STAT4: variants seen among roughly 807,000 people sequenced by gnomAD.
STAT4 encodes signal transducer and activator of transcription 4.
Under a neutral mutation model 110.5 loss-of-function variants are expected in STAT4, and 42 were observed. The observed-to-expected ratio is 0.38, with a 90% CI of 0.30 to 0.49. The LOEUF is 0.49. Ranked by LOEUF, STAT4 falls within the 20% of genes least tolerant of loss-of-function variation. STAT4 has a pLI of 0.95. For missense variants in STAT4, 632 were observed against 887.9 expected (o/e 0.71, Z 3.66); for synonymous variants, 284 against 302.2 (o/e 0.94, Z 0.63).
intron 3 of STAT4, among the ~76,000 whole-genome samples, chr2:191,127,856 AAAG>A (rs1444506313): frequency 6.6e-6 from 1 of 152,220 alleles, no homozygotes; most frequent in Non-Finnish European, 1.5e-5. Context: ...CTAAATTGTC[AAAG>A]AAGATTTAAT....
intron 7 of STAT4, among the ~76,000 whole-genome samples, chr2:191,065,647 A>C (rs909838192): frequency 6.6e-6 from 1 of 152,180 alleles, no homozygotes; most frequent in Non-Finnish European, 1.5e-5. Flanking sequence ...TTATGCATAA[A>C]AACATTAAAT....
At chr2:191,036,530 C>T (rs1349312134) in intron 16 of STAT4, among the ~76,000 whole-genome samples, 2 of 152,162 alleles carry the variant, frequency 1.3e-5, no homozygotes, top group South Asian at 2.1e-4. Flanking sequence ...TGTTCAGCAG[C>T]TTCCCAGTAT....
chr2:191,111,908 A>G (rs4853543), intron 3 of STAT4, among the ~76,000 whole-genome samples: 85,911 of 151,900 alleles, frequency 0.57, 26,056 homozygotes, highest in South Asian at 0.75. Context: ...ATTGGATTGA[A>G]CTCTAGAAAA....
chr2:191,093,811 C>T (rs979722485), intron 3 of STAT4, among the ~76,000 whole-genome samples: 1 of 152,088 alleles, frequency 6.6e-6, no homozygotes, highest in East Asian at 1.9e-4. Context: ...GGAGGATGTT[C>T]GAACCCATCG....
At position 191,098,247 on chromosome 2, in the gene STAT4, G is replaced by A. The variant is rs149980404; in HGVS notation, c.274-21922C>T. Among the ~76,000 whole-genome samples, 780 of 152,322 alleles carry A rather than the reference G, an allele frequency of 5.1e-3. 7 individuals are homozygous for A. The highest frequency in any genetic ancestry group is 0.018 in the African/African-American group (736 of 41,570). ...AGAACTAGAAATACCATTTGACCCA[G>A]CGATCCCATTACTGGGTATACATCC... is the stretch of plus-strand genomic sequence containing the variant. On this transcript the variant is annotated intron_variant, in intron 3 of 23. Transcript: ENST00000392320.
At chr2:191,044,794 G>A in intron 14 of STAT4, among the ~76,000 whole-genome samples, 1 of 152,178 alleles carries the variant, frequency 6.6e-6, no homozygotes, top group East Asian at 1.9e-4. Context: ...GGACATGTTT[G>A]ACCAAATTGT....
chr2:191,052,371 A>G (rs1306376570), intron 14 of STAT4, among the ~76,000 whole-genome samples: 3 of 152,272 alleles, frequency 2.0e-5, no homozygotes, highest in Admixed American at 2.0e-4. Flanking sequence ...ATAGCTTAAA[A>G]TAAAATTAAC....
chr2:191,052,031 C>A (rs938431023), intron 14 of STAT4, among the ~76,000 whole-genome samples: 1 of 152,212 alleles, frequency 6.6e-6, no homozygotes, highest in Admixed American at 6.5e-5. Context: ...TACAGGTGCT[C>A]ACAGATAAGC....
At chr2:191,136,504 C>T (rs1699184021) in intron 3 of STAT4, among the ~76,000 whole-genome samples, 1 of 152,230 alleles carries the variant, frequency 6.6e-6, no homozygotes, top group South Asian at 2.1e-4. Context: ...GTAATCCCAG[C>T]ACCTTGGGAG....
At chr2:191,048,718 G>A (rs1481688524) in intron 14 of STAT4, among the ~76,000 whole-genome samples, 7 of 149,132 alleles carry the variant, frequency 4.7e-5, no homozygotes, top group African/African-American at 1.2e-4. Context: ...CCCTGGAGGC[G>A]GAGGTTGCAG....
intron 3 of STAT4, among the ~76,000 whole-genome samples, chr2:191,128,522 G>C (rs1275029254): frequency 6.6e-6 from 1 of 152,128 alleles, no homozygotes; most frequent in Non-Finnish European, 1.5e-5. Context: ...TCACTTCGTG[G>C]GATATTCAGA....
rs1559038639 is a variant in STAT4 at position 191,037,756 on chromosome 2, A to T, written c.1434+1443T>A. Among the ~76,000 whole-genome samples, 1 of 152,192 alleles carries T rather than the reference A, an allele frequency of 6.6e-6. No homozygotes were observed. The highest frequency in any genetic ancestry group is 1.5e-5 in the Non-Finnish European group (1 of 68,024). On this transcript the variant is annotated intron_variant, in intron 16 of 23. Transcript: ENST00000392320. The surrounding 1 kb of genome is among the most constrained non-coding windows in gnomAD (Gnocchi z 4.8). Reference sequence around the variant, plus strand: ...CCAACAAGGAATGGGCAATAGGAAGAGGAGGAATGAAGAGAAAGAATTTCT... The same window carrying T: ...CCAACAAGGAATGGGCAATAGGAAGTGGAGGAATGAAGAGAAAGAATTTCT...
intron 14 of STAT4, among the ~76,000 whole-genome samples, chr2:191,047,163 G>A (rs1400917262): frequency 6.6e-6 from 1 of 151,986 alleles, no homozygotes; most frequent in Non-Finnish European, 1.5e-5. Flanking sequence ...TGCTAGGAGG[G>A]TGGCGCACCT....
chr2:191,090,748 G>A lies in STAT4; in HGVS notation c.274-14423C>T, dbSNP rs1697775117. ...GCTAATTTTTTGTATTTTTAGTAGA[G>A]ACAGGGTTTCACCGTGTTAGCCTGA... On this transcript the variant is annotated intron_variant, in intron 3 of 23. Transcript: ENST00000392320. This position sits in a 1 kb window ranked among gnomAD's most constrained non-coding sequence, Gnocchi z 4.2. Among the ~76,000 whole-genome samples, 1 of 152,160 alleles carries A rather than the reference G, an allele frequency of 6.6e-6. No individual in the cohort carries two copies. Among genetic ancestry groups the A allele is most frequent in the South Asian group, 2.1e-4 (1 of 4,818 alleles).
intron 16 of STAT4, among the ~76,000 whole-genome samples, chr2:191,038,622 TAAG>T (rs1335059445): frequency 1.3e-5 from 2 of 152,190 alleles, no homozygotes; most frequent in Non-Finnish European, 2.9e-5. Context: ...GGTTGTCTTA[TAAG>T]AAGAACACCT....
rs1019686327 is a variant in STAT4 at position 191,135,023 on chromosome 2, A to C, written c.273+11590T>G. 6.6e-6 allele frequency among the ~76,000 whole-genome samples: 1 copy of C among 152,132 alleles called. No individual in the cohort carries two copies. The highest frequency in any genetic ancestry group is 1.5e-5 in the Non-Finnish European group (1 of 68,014). On this transcript the variant is annotated intron_variant, in intron 3 of 23. Coordinates refer to ENST00000392320, the MANE Select transcript of STAT4 (RefSeq NM_003151.4). This position sits in a 1 kb window ranked among gnomAD's most constrained non-coding sequence, Gnocchi z 4.8. ...TCAAGTAACTAGAAAAGCAAGAAAA[A>C]AAAACCGAAATTAGTGGAAGGAAAG...
intron 3 of STAT4, among the ~76,000 whole-genome samples, chr2:191,114,486 TTC>T (rs1404633814): frequency 6.6e-6 from 1 of 152,204 alleles, no homozygotes; most frequent in African/African-American, 2.4e-5. Flanking sequence ...AGTATCGTTT[TTC>T]TTACTGTTCT....
At position 191,122,327 on chromosome 2, in the gene STAT4, G is replaced by GA. The variant is rs71030324; in HGVS notation, c.273+24285dup. Among the ~76,000 whole-genome samples the GA allele has an allele frequency of 4.3e-3, 605 of 139,842 alleles. 11 individuals carry two copies. Among genetic ancestry groups the GA allele is most frequent in the South Asian group, 0.034 (153 of 4,514 alleles). The allele number at this position is 139,842 out of a possible 152,430, so 91.7% of individuals were successfully genotyped here. On this transcript the variant is annotated intron_variant, in intron 3 of 23. Coordinates refer to ENST00000392320, the MANE Select transcript of STAT4 (RefSeq NM_003151.4). ...AGACACACCCTGAATTCATAAAAAT[G>GA]AAAAAAAAAAAAAAGACTGGCAATA... is the stretch of plus-strand genomic sequence containing the variant.
chr2:191,074,754 AATG>A (rs1342715927), intron 4 of STAT4, among the ~76,000 whole-genome samples: 3 of 152,216 alleles, frequency 2.0e-5, no homozygotes, highest in African/African-American at 7.2e-5. Context: ...ATTAAATAAA[AATG>A]ATACCATCCT....
Sources: allele counts gnomAD v4.1 joint callset (sites outside exome capture counted in the v4.1 genomes callset), GRCh38; gene constraint gnomAD v4.1.1; non-coding constraint Gnocchi (gnomAD v3.1); transcripts MANE v1.5; gene names NCBI Gene and HGNC (gene_info 2026-07-23, HGNC 2026-07-21).